The following ST6GALNAC3 variants were observed in gnomAD, a reference collection of about 807,000 sequenced individuals.
The protein encoded by ST6GALNAC3 is ST6 N-acetylgalactosaminide alpha-2,6-sialyltransferase 3.
A neutral mutation model predicts 32.7 loss-of-function variants in ST6GALNAC3; 25 were observed. That is an observed-to-expected ratio of 0.76 (90% CI 0.56 to 1.07). The LOEUF is 1.07. Among genes scored for constraint, ST6GALNAC3 ranks in the 50% least tolerant of loss-of-function variants. The pLI is 0.00. For missense variants in ST6GALNAC3, 355 were observed against 382.4 expected (o/e 0.93, Z 0.60); for synonymous variants, 129 against 133.1 (o/e 0.97, Z 0.21).
At chr1:76,339,857 C>T (rs1423105911) in intron 2 of ST6GALNAC3, among the ~76,000 whole-genome samples, 1 of 152,120 alleles carries the variant, frequency 6.6e-6, no homozygotes, top group Non-Finnish European at 1.5e-5. Flanking sequence ...CAACCGGAGT[C>T]CACATCTATT....
At chr1:76,424,007 C>A (rs1655203195) in intron 3 of ST6GALNAC3, among the ~76,000 whole-genome samples, 1 of 152,010 alleles carries the variant, frequency 6.6e-6, no homozygotes, top group African/African-American at 2.4e-5. Flanking sequence ...TGTGGAGGTA[C>A]AAAAGCTCCG....
intron 1 of ST6GALNAC3, among the ~76,000 whole-genome samples, chr1:76,139,947 G>A (rs1650211727): frequency 6.6e-6 from 1 of 152,158 alleles, no homozygotes; most frequent in African/African-American, 2.4e-5. Context: ...TCTCGAGGAG[G>A]AATAAATTCA....
intron 2 of ST6GALNAC3, among the ~76,000 whole-genome samples, chr1:76,371,859 T>C (rs753197418): frequency 2.0e-5 from 3 of 152,152 alleles, no homozygotes; most frequent in African/African-American, 7.2e-5. Flanking sequence ...ACAAGGATGT[T>C]GTTCTTGAGT....
At chr1:76,135,518 T>C (rs12091356) in intron 1 of ST6GALNAC3, among the ~76,000 whole-genome samples, 14,747 of 152,288 alleles carry the variant, frequency 0.097, 849 homozygotes, top group Non-Finnish European at 0.13. Flanking sequence ...AGGCTCAGAC[T>C]GTTTCACCTA....
At chr1:76,453,086 T>C (rs922438335) in intron 3 of ST6GALNAC3, among the ~76,000 whole-genome samples, 9 of 152,232 alleles carry the variant, frequency 5.9e-5, no homozygotes, top group Non-Finnish European at 1.2e-4. Flanking sequence ...CATGGTAGCC[T>C]TGAATTATCT....
At chr1:76,331,011 G>A (rs1647177896) in intron 2 of ST6GALNAC3, among the ~76,000 whole-genome samples, 2 of 152,194 alleles carry the variant, frequency 1.3e-5, no homozygotes, top group Admixed American at 6.5e-5. Context: ...AGCCTCTGCT[G>A]GGTAAGATGG....
Position 76,208,041 on chromosome 1 carries a change from G to GCCC in ST6GALNAC3, c.19-105755_19-105753dup, listed in dbSNP as rs5775330. Among the ~76,000 whole-genome samples the GCCC allele has an allele frequency of 7.7e-4, 42 of 54,324 alleles. 1 individual carries two copies. Among genetic ancestry groups the GCCC allele is most frequent in the African/African-American group, 1.4e-3 (38 of 26,840 alleles). The allele number at this position is 54,324 out of a possible 152,430, so 35.6% of individuals were successfully genotyped here. On this transcript the variant is annotated intron_variant, in intron 1 of 4. Coordinates refer to ENST00000328299, the MANE Select transcript of ST6GALNAC3 (RefSeq NM_152996.4). ...TCTCTGGCTGTTCCCACTCAAGAGT[G>GCCC]CCCCCCCCCCCAAAAAATAGTTCAC...
chr1:76,609,798 G>A (rs1647801970), intron 3 of ST6GALNAC3, among the ~76,000 whole-genome samples: 1 of 151,680 alleles, frequency 6.6e-6, no homozygotes, highest in African/African-American at 2.4e-5. Flanking sequence ...CCTTCATATA[G>A]CATTAATTAG....
intron 1 of ST6GALNAC3, among the ~76,000 whole-genome samples, chr1:76,310,387 A>C (rs1646738422): frequency 6.6e-6 from 1 of 152,122 alleles, no homozygotes; most frequent in African/African-American, 2.4e-5. Context: ...AGCTTAAATG[A>C]GGTAAGGCTG....
At chr1:76,500,886 A>G (rs995637047) in intron 3 of ST6GALNAC3, among the ~76,000 whole-genome samples, 1 of 152,200 alleles carries the variant, frequency 6.6e-6, no homozygotes, top group Non-Finnish European at 1.5e-5. Context: ...GACAGATTGT[A>G]GAATAGTATT....
intron 3 of ST6GALNAC3, among the ~76,000 whole-genome samples, chr1:76,475,863 C>T (rs974633526): frequency 7.2e-5 from 11 of 152,170 alleles, no homozygotes; most frequent in East Asian, 1.9e-4. Flanking sequence ...CCCCAGCCCC[C>T]GACAGGCCCC....
Position 76,376,408 on chromosome 1 carries a change from A to C in ST6GALNAC3, c.214-35600A>C, listed in dbSNP as rs548003561. Among the ~76,000 whole-genome samples the C allele has an allele frequency of 5.9e-5, 9 of 152,308 alleles. No homozygotes were observed. The South Asian group carries it at 1.9e-3, about 32-fold the overall frequency. On this transcript the variant is annotated intron_variant, in intron 2 of 4. Transcript: ENST00000328299. ...CAATACCACAGTCAAGATACAGAACAGTTCTATCACAAGGATATCTCATGC... is the reference window on the plus strand; with the variant it reads ...CAATACCACAGTCAAGATACAGAACCGTTCTATCACAAGGATATCTCATGC...
chr1:76,442,117 A>G (rs1656656537), intron 3 of ST6GALNAC3, among the ~76,000 whole-genome samples: 1 of 152,252 alleles, frequency 6.6e-6, no homozygotes, highest in Admixed American at 6.5e-5. Flanking sequence ...GTCCTGAGTC[A>G]GGTAAATTTA....
At chr1:76,367,890 A>C (rs1329929090) in intron 2 of ST6GALNAC3, among the ~76,000 whole-genome samples, 1 of 152,204 alleles carries the variant, frequency 6.6e-6, no homozygotes, top group African/African-American at 2.4e-5. Context: ...ATGTAAAAAC[A>C]TGCTACAAAA....
At chr1:76,420,018 G>A (rs906460003) in intron 3 of ST6GALNAC3, among the ~76,000 whole-genome samples, 3 of 149,572 alleles carry the variant, frequency 2.0e-5, no homozygotes, top group Non-Finnish European at 4.4e-5. Context: ...AAAGCTCCCC[G>A]TGCAGAGACA....
chr1:76,392,822 A>C (rs564052648), intron 2 of ST6GALNAC3, among the ~76,000 whole-genome samples: 17 of 152,372 alleles, frequency 1.1e-4, no homozygotes, highest in Non-Finnish European at 2.1e-4. Flanking sequence ...GTTATAGGCT[A>C]CACTGCATTT....
In ST6GALNAC3 at chr1:76,268,787, C is replaced by T. The variant is rs145149192; in HGVS notation, c.19-45018C>T. On this transcript the variant is annotated intron_variant, in intron 1 of 4. Coordinates refer to ENST00000328299, the MANE Select transcript of ST6GALNAC3 (RefSeq NM_152996.4). Reference sequence around the variant, plus strand: ...TTTGACACAATTGTATTTTCCTCTACACCGCTGATGGAGTGCTCTGCCTAA... The same window carrying T: ...TTTGACACAATTGTATTTTCCTCTATACCGCTGATGGAGTGCTCTGCCTAA... Among the ~76,000 whole-genome samples, 304 of 152,274 alleles carry T rather than the reference C, an allele frequency of 2.0e-3. 3 individuals are homozygous for T. The highest frequency in any genetic ancestry group is 6.6e-3 in the African/African-American group (275 of 41,550).
At chr1:76,448,105 G>A (rs533097621) in intron 3 of ST6GALNAC3, among the ~76,000 whole-genome samples, 2 of 152,306 alleles carry the variant, frequency 1.3e-5, no homozygotes, top group South Asian at 2.1e-4. Context: ...CAAAGTCACA[G>A]GGTGGAGCTA....
intron 1 of ST6GALNAC3, among the ~76,000 whole-genome samples, chr1:76,302,237 G>A (rs1371104659): frequency 1.3e-5 from 2 of 152,024 alleles, no homozygotes; most frequent in African/African-American, 4.8e-5. Context: ...ATTTCACATG[G>A]TCACCTGGGG....
Sources: allele counts gnomAD v4.1 joint callset (sites outside exome capture counted in the v4.1 genomes callset), GRCh38; gene constraint gnomAD v4.1.1; transcripts MANE v1.5; gene names NCBI Gene and HGNC (gene_info 2026-07-23, HGNC 2026-07-21).